The following TTLL13 variants were observed in gnomAD, a reference collection of about 807,000 sequenced individuals.
TTLL13 encodes the protein tubulin polyglutamylase TTLL13.
At chr15:90,257,800 C>G in the TTLL13 span, 2 of 1,419,358 alleles carry the variant, frequency 1.4e-6, no homozygotes, top group Non-Finnish European at 2.0e-6. Context: ...ACCAAGCTGG[C>G]TCTTGGGAGG....
At chr15:90,256,282 G>T in the TTLL13 span, 1 of 1,614,190 alleles carries the variant, frequency 6.2e-7, no homozygotes, top group Non-Finnish European at 8.5e-7. Flanking sequence ...TGATCTGCCA[G>T]CAATACATCT....
chr15:90,254,875 TA>T, the TTLL13 span, among the ~76,000 whole-genome samples: 1 of 152,014 alleles, frequency 6.6e-6, no homozygotes, highest in South Asian at 2.1e-4. Flanking sequence ...AGGATAAGGA[TA>T]ACAATAATCA....
chr15:90,256,077 C>T, the TTLL13 span: 1 of 1,586,164 alleles, frequency 6.3e-7, no homozygotes, highest in Non-Finnish European at 8.6e-7. Flanking sequence ...AGGAAGAGCT[C>T]CATGCGGCCC....
At chr15:90,263,961 C>G in the TTLL13 span, 2 of 1,535,814 alleles carry the variant, frequency 1.3e-6, no homozygotes, top group South Asian at 2.4e-5. Context: ...AGAACTTCAA[C>G]TGGACAGGAG....
chr15:90,265,214 T>A, the TTLL13 span: 8 of 1,355,562 alleles, frequency 5.9e-6, no homozygotes, highest in Admixed American at 9.9e-5. Flanking sequence ...TTTCTGCTCA[T>A]CAAGCCTTAG....
chr15:90,255,630 A>T, the TTLL13 span: 3 of 1,388,934 alleles, frequency 2.2e-6, no homozygotes, highest in Non-Finnish European at 3.0e-6. Flanking sequence ...TCCTTGGTGC[A>T]GTGCTTACCT....
At chr15:90,252,357 G>C in the TTLL13 span, among the ~76,000 whole-genome samples, 1 of 151,172 alleles carries the variant, frequency 6.6e-6, no homozygotes, top group Non-Finnish European at 1.5e-5. Flanking sequence ...ATTCTTAAAT[G>C]TTTTGTAGAG....
At chr15:90,251,525 T>G in the TTLL13 span, 728,505 of 1,603,458 alleles carry the variant, frequency 0.45, 172,457 homozygotes, top group African/African-American at 0.74. Flanking sequence ...CTCCCACTCT[T>G]CCTGATTTAT....
chr15:90,261,118 A>G, the TTLL13 span, among the ~76,000 whole-genome samples: 1 of 143,742 alleles, frequency 7.0e-6, no homozygotes, highest in Admixed American at 7.1e-5. Flanking sequence ...TCACTCTGTC[A>G]TCTAGGCTGG....
chr15:90,250,783 G>A, the TTLL13 span: 2 of 1,614,102 alleles, frequency 1.2e-6, no homozygotes, highest in East Asian at 2.2e-5. Flanking sequence ...TAAAAAATGG[G>A]GTTCCCTCAC....
chr15:90,254,860 A>G, the TTLL13 span, among the ~76,000 whole-genome samples: 1 of 152,298 alleles, frequency 6.6e-6, no homozygotes, highest in Admixed American at 6.5e-5. Flanking sequence ...AAGGGGGAAA[A>G]AAAAAGGATA....
At chr15:90,262,688 C>G in the TTLL13 span, 1 of 1,459,230 alleles carries the variant, frequency 6.9e-7, no homozygotes, top group Non-Finnish European at 9.0e-7. Context: ...GGTTTTGTAG[C>G]TCTTATCTTT....
At chr15:90,262,448 C>G in the TTLL13 span, 1 of 1,441,598 alleles carries the variant, frequency 6.9e-7, no homozygotes. Flanking sequence ...CCTCTTCTCC[C>G]CAACACCATT....
chr15:90,262,484 C>CT, the TTLL13 span: 54 of 1,474,608 alleles, frequency 3.7e-5, no homozygotes, highest in African/African-American at 7.3e-4. Context: ...GCTGCTGTGT[C>CT]TTGTCAGGCA....
chr15:90,256,323 C>G, the TTLL13 span: 2 of 1,613,660 alleles, frequency 1.2e-6, no homozygotes, highest in Non-Finnish European at 1.7e-6. Flanking sequence ...GGACCATCAG[C>G]CTTCCCTAGT....
chr15:90,258,202 G>A, the TTLL13 span: 2 of 1,614,254 alleles, frequency 1.2e-6, no homozygotes, highest in Admixed American at 1.7e-5. Context: ...GGAGGTACAT[G>A]TGCCTGTTTT....
chr15:90,262,070 C>G, the TTLL13 span: 1 of 1,536,012 alleles, frequency 6.5e-7, no homozygotes, highest in Non-Finnish European at 8.7e-7. Context: ...GGATTCTCAC[C>G]TGGGAAAATA....
chr15:90,258,936 G>C, the TTLL13 span: 33 of 1,613,978 alleles, frequency 2.0e-5, no homozygotes, highest in African/African-American at 3.2e-4. Flanking sequence ...AGGTGTGCTA[G>C]GTGTCTGGCA....
At chr15:90,263,008 GTGGAAGAGGAGGAGC>G in the TTLL13 span, 1 of 1,536,100 alleles carries the variant, frequency 6.5e-7, no homozygotes, top group Non-Finnish European at 8.7e-7. Context: ...TCAAGAAATT[GTGGAAGAGGAGGAGC>G]TGGAGCGGAT....
Sources: gnomAD v4.1 joint callset for allele counts (sites outside exome capture counted in the v4.1 genomes callset) on GRCh38, gnomAD v4.1.1 for gene constraint, MANE v1.5 for transcripts, NCBI Gene and HGNC (gene_info 2026-07-23, HGNC 2026-07-21) for gene names.